The following NECTIN3 variants were observed in gnomAD, a reference collection of about 807,000 sequenced individuals.
The protein encoded by NECTIN3 is nectin-3.
Under a neutral mutation model 49.4 loss-of-function variants are expected in NECTIN3, and 8 were observed. The observed-to-expected ratio is 0.16, with a 90% confidence interval of 0.10 to 0.29. NECTIN3 has a LOEUF of 0.29. Ranked by LOEUF, NECTIN3 falls within the 10% of genes least tolerant of loss-of-function variation. The pLI, the probability that NECTIN3 is intolerant of heterozygous loss-of-function variation, is 1.00. For synonymous variants in NECTIN3, 277 were observed against 241.1 expected (o/e 1.15, Z -1.38); for missense variants, 581 against 654.6 (o/e 0.89, Z 1.23).
intron 1 of NECTIN3, 184 bp downstream of exon 1, chr3:111,072,361 G>A (rs543904752): frequency 6.8e-7 from 1 of 1,477,438 alleles, no homozygotes; most frequent in East Asian, 2.5e-5. Flanking sequence ...GGCCAGGCCA[G>A]CGAATGCTGA....
At chr3:111,155,155 C>G (rs1342928861) in intron 7 of NECTIN3, among the ~76,000 whole-genome samples, 1 of 152,178 alleles carries the variant, frequency 6.6e-6, no homozygotes, top group Admixed American at 6.5e-5. Flanking sequence ...CCAGGATAGT[C>G]TTGATCTCTT....
intron 3 of NECTIN3, among the ~76,000 whole-genome samples, chr3:111,121,725 G>C (rs1278290924): frequency 6.6e-6 from 1 of 152,000 alleles, no homozygotes; most frequent in African/African-American, 2.4e-5. Context: ...ATGGTGACTT[G>C]GTACTACATG....
intron 7 of NECTIN3, among the ~76,000 whole-genome samples, chr3:111,164,466 A>G (rs551141766): frequency 6.6e-6 from 1 of 152,254 alleles, no homozygotes; most frequent in African/African-American, 2.4e-5. Flanking sequence ...ATATATTACC[A>G]TATGTTATAT....
intron 1 of NECTIN3, chr3:111,192,446 T>G (rs1559825285): frequency 2.7e-6 from 4 of 1,499,216 alleles, no homozygotes; most frequent in Non-Finnish European, 3.6e-6. Flanking sequence ...TCAGCCCAGG[T>G]GGAGCTGGTA....
intron 7 of NECTIN3, among the ~76,000 whole-genome samples, chr3:111,181,935 G>A (rs2035633628): frequency 2.6e-5 from 4 of 151,310 alleles, no homozygotes; most frequent in Admixed American, 2.6e-4. Context: ...AGTTTCTTAA[G>A]CTTAGATCAT....
chr3:111,122,334 AG>A (rs1295648819), intron 4 of NECTIN3, 96 bp downstream of exon 4: 33 of 840,818 alleles, frequency 3.9e-5, no homozygotes, highest in Middle Eastern at 4.7e-4. Flanking sequence ...ACATGATTAT[AG>A]TAATAGCAGA....
intron 7 of NECTIN3, among the ~76,000 whole-genome samples, chr3:111,168,290 T>C (rs982599311): frequency 6.6e-6 from 1 of 152,030 alleles, no homozygotes; most frequent in Non-Finnish European, 1.5e-5. Flanking sequence ...GTTTTTAAAA[T>C]AGGAAGAATT....
At chr3:111,127,019 A>G (rs1489765500) in intron 5 of NECTIN3, among the ~76,000 whole-genome samples, 3 of 152,206 alleles carry the variant, frequency 2.0e-5, no homozygotes, top group Non-Finnish European at 4.4e-5. Context: ...GTAATAAATT[A>G]TCAATAGAAT....
chr3:111,130,262 GTT>G (rs62747660), intron 5 of NECTIN3, among the ~76,000 whole-genome samples: 4 of 143,054 alleles, frequency 2.8e-5, no homozygotes, highest in Non-Finnish European at 1.6e-5. Flanking sequence ...AGCCGAGAAT[GTT>G]TTTTTTTTTT....
intron 1 of NECTIN3, among the ~76,000 whole-genome samples, chr3:111,093,376 A>G (rs981134774): frequency 6.6e-6 from 1 of 151,988 alleles, no homozygotes; most frequent in Admixed American, 6.6e-5. Context: ...GTGTTCATGC[A>G]CAAGATTAGA....
intron 1 of NECTIN3, among the ~76,000 whole-genome samples, chr3:111,083,158 G>T (rs1201565823): frequency 6.6e-6 from 1 of 152,194 alleles, no homozygotes; most frequent in Non-Finnish European, 1.5e-5. Flanking sequence ...TCGTACGGGG[G>T]TTGGAGACCC....
intron 6 of NECTIN3, among the ~76,000 whole-genome samples, chr3:111,145,866 T>G (rs1035613688): frequency 6.6e-6 from 1 of 152,194 alleles, no homozygotes; most frequent in Non-Finnish European, 1.5e-5. Context: ...ATGTCTTTGC[T>G]TCTCTAATTT....
upstream of NECTIN3, among the ~76,000 whole-genome samples, chr3:111,187,689 A>G (rs953255957): frequency 2.6e-5 from 4 of 152,342 alleles, no homozygotes; most frequent in Admixed American, 6.5e-5. Context: ...AGAGTGAAAG[A>G]TCTGAAAAAG....
intron 7 of NECTIN3, among the ~76,000 whole-genome samples, chr3:111,162,942 A>C (rs2035244077): frequency 6.6e-6 from 1 of 152,210 alleles, no homozygotes; most frequent in African/African-American, 2.4e-5. Context: ...ATTGCTGTAT[A>C]GCAACCTAAA....
At chr3:111,144,756 TA>T in intron 5 of NECTIN3, 1 of 813,112 alleles carries the variant, frequency 1.2e-6, no homozygotes, top group Non-Finnish European at 1.8e-6. Flanking sequence ...CCACTAAACC[TA>T]ATGAATGAAA....
At chr3:111,114,371 G>A (rs750622922) in intron 2 of NECTIN3, among the ~76,000 whole-genome samples, 2 of 151,694 alleles carry the variant, frequency 1.3e-5, no homozygotes, top group African/African-American at 2.4e-5. Flanking sequence ...TTCTTGACCC[G>A]TTTCCCCAAA....
rs576739023 is a variant in NECTIN3, at chr3:111,099,875, CTTAG to C, written c.161-12149_161-12146del. On this transcript the variant is annotated intron_variant, in intron 1 of 5. Transcript: ENST00000485303. Reference sequence around the variant, plus strand: ...AATTTTAGTGCTTCTTCCTTTGGTGCTTAGTTAGTACCTATTTCCATGTTTGAGT... The same window carrying C: ...AATTTTAGTGCTTCTTCCTTTGGTGCTTAGTACCTATTTCCATGTTTGAGT... 2.9e-4 allele frequency among the ~76,000 whole-genome samples: 44 copies of C among 152,214 alleles called. 2 individuals are homozygous for C. The East Asian group carries it at 8.3e-3, about 29-fold the overall frequency.
intron 3 of NECTIN3, among the ~76,000 whole-genome samples, chr3:111,120,658 G>C (rs536590124): frequency 6.6e-6 from 1 of 152,056 alleles, no homozygotes; most frequent in Non-Finnish European, 1.5e-5. Context: ...TTCCCTGGCA[G>C]AGGTAAAGAC....
chr3:111,120,081 G>C (rs1027981155), intron 3 of NECTIN3, among the ~76,000 whole-genome samples: 1 of 152,038 alleles, frequency 6.6e-6, no homozygotes, highest in Non-Finnish European at 1.5e-5. Flanking sequence ...CTGGAGAATC[G>C]TGTTAAAATT....
Sources: allele counts gnomAD v4.1 joint callset (sites outside exome capture counted in the v4.1 genomes callset), GRCh38; gene constraint gnomAD v4.1.1; transcripts MANE v1.5; gene names NCBI Gene and HGNC (gene_info 2026-07-23, HGNC 2026-07-21).